The following SLC35D1 variants were observed in gnomAD, a reference collection of about 807,000 sequenced individuals.
SLC35D1 encodes the protein nucleotide sugar transporter SLC35D1.
SLC35D1 carries 31 observed loss-of-function variants against 46.7 expected under a neutral mutation model. That is an observed-to-expected ratio of 0.66 (90% CI 0.50 to 0.90). The LOEUF (loss-of-function observed/expected upper bound fraction) is 0.90, where lower values mean the gene tolerates loss of function less well. SLC35D1 is among the 40% of genes least tolerant of loss of function. The pLI is 0.00. For missense variants in SLC35D1, 397 were observed against 426.2 expected (o/e 0.93, Z 0.60); for synonymous variants, 195 against 164.6 (o/e 1.18, Z -1.41).
intron 7 of SLC35D1, among the ~76,000 whole-genome samples, chr1:67,043,355 G>T (rs1347074277): frequency 6.6e-6 from 1 of 151,786 alleles, no homozygotes; most frequent in African/African-American, 2.4e-5. Flanking sequence ...CTGGGTAACA[G>T]AGCAAGAACC....
At chr1:67,017,473 T>G (rs1667708943) in intron 10 of SLC35D1, among the ~76,000 whole-genome samples, 2 of 152,172 alleles carry the variant, frequency 1.3e-5, no homozygotes, top group South Asian at 4.1e-4. Context: ...AAACTGTGCT[T>G]TTCTTAAAGC....
At chr1:67,038,443 T>G (rs1439655502) in intron 8 of SLC35D1, among the ~76,000 whole-genome samples, 1 of 152,166 alleles carries the variant, frequency 6.6e-6, no homozygotes, top group African/African-American at 2.4e-5. Flanking sequence ...TTGTGAGATC[T>G]ACAGCAAGTG....
chr1:67,019,322 G>A lies in SLC35D1; in HGVS notation c.876+1047C>T, dbSNP rs1402111294. On this transcript the variant is annotated intron_variant, in intron 10 of 11. Transcript: ENST00000235345. ...AAACATACCTAGAGCTAATTTGGGG[G>A]AGGGGCCTAAAACTGTCTCAGCCAG... Among the ~76,000 whole-genome samples the A allele has an allele frequency of 4.6e-5, 7 of 152,314 alleles. No homozygotes were observed. In the East Asian group the frequency reaches 9.6e-4, roughly 21 times the overall value.
At chr1:67,026,058 A>G (rs1667907704) in intron 8 of SLC35D1, among the ~76,000 whole-genome samples, 1 of 152,230 alleles carries the variant, frequency 6.6e-6, no homozygotes, top group Non-Finnish European at 1.5e-5. Flanking sequence ...ATAGAACACT[A>G]TATGAGTACA....
chr1:66,983,466 C>G, the SLC35D1 span, among the ~76,000 whole-genome samples: 1 of 151,038 alleles, frequency 6.6e-6, no homozygotes, highest in South Asian at 2.1e-4. Context: ...TTCAGTGATG[C>G]ACCCTATATT....
At chr1:67,007,497 AAG>A (rs1667475911) in intron 11 of SLC35D1, among the ~76,000 whole-genome samples, 2 of 152,186 alleles carry the variant, frequency 1.3e-5, no homozygotes, top group Admixed American at 6.5e-5. Context: ...AACATTATGA[AAG>A]AGGGGGCACA....
the SLC35D1 span, among the ~76,000 whole-genome samples, chr1:66,992,372 C>T: frequency 6.6e-6 from 1 of 152,176 alleles, no homozygotes; most frequent in African/African-American, 2.4e-5. Context: ...AACAACAGAA[C>T]CTTGCACACT....
In SLC35D1 at chr1:67,004,514, A is replaced by C. The variant is rs948911931; in HGVS notation, c.960-66T>G. 3.5e-6 allele frequency: 5 copies of C among 1,426,140 alleles called. No homozygotes were observed. The African/African-American group carries it at 7.0e-5, about 20-fold the overall frequency. The allele number at this position is 1,426,140 out of a possible 1,614,324, so 88.3% of individuals were successfully genotyped here. On this transcript the variant is annotated intron_variant, in intron 11 of 11. Transcript: ENST00000235345. ...GGGTTTTAGTGTAAACACTCTACTC[A>C]GTAAAAAAACTTACACCAAAAAATT...
At chr1:66,988,512 A>G in the SLC35D1 span, 3 of 151,970 alleles carry the variant, frequency 2.0e-5, no homozygotes, top group Non-Finnish European at 4.4e-5. Context: ...TGCCAACTAT[A>G]CGGACGTGGA....
chr1:66,981,058 G>A, the SLC35D1 span, among the ~76,000 whole-genome samples: 3 of 148,938 alleles, frequency 2.0e-5, no homozygotes, highest in African/African-American at 7.7e-5. Flanking sequence ...ACATTTTTAT[G>A]TACATATATA....
intron 9 of SLC35D1, 113 bp from the exon 10 acceptor site, chr1:67,020,560 G>T: frequency 1.3e-6 from 1 of 774,594 alleles, no homozygotes; most frequent in Non-Finnish European, 2.3e-6. Flanking sequence ...GACCAGCTAT[G>T]AATTTTCCCC....
the SLC35D1 span, among the ~76,000 whole-genome samples, chr1:66,989,789 C>A: frequency 6.6e-6 from 1 of 152,134 alleles, no homozygotes; most frequent in Non-Finnish European, 1.5e-5. Flanking sequence ...AGAAAACATA[C>A]GGGCCTTAAA....
At chr1:66,984,829 G>T in the SLC35D1 span, 5 of 1,611,032 alleles carry the variant, frequency 3.1e-6, no homozygotes, top group African/African-American at 6.7e-5. Context: ...AGAAAGTCCA[G>T]GTTCTTCTGA....
chr1:67,053,927 C>T lies in SLC35D1; in HGVS notation c.87G>A (p.Leu29=). 1 of 1,613,840 alleles carries T rather than the reference C, an allele frequency of 6.2e-7. No homozygotes were observed. Among genetic ancestry groups the T allele is most frequent in the Non-Finnish European group, 8.5e-7 (1 of 1,179,764 alleles). The part of the protein sequence containing the change: ...KSSTLRDEEE[L]GMASAETLTV... ...TCAGCGTTTCGGCCGACGCCATCCC[C>T]AGCTCCTCCTCATCTCGGAGTGTGG... is the stretch of plus-strand genomic sequence containing the variant. Residue 29 remains leucine, a synonymous_variant, in exon 1 of 12, where the codon CTG becomes CTA. Transcript: ENST00000235345.
At chr1:66,985,882 G>A in the SLC35D1 span, 1 of 908,492 alleles carries the variant, frequency 1.1e-6, no homozygotes, top group Non-Finnish European at 1.3e-6. Context: ...CTGAAATTAA[G>A]CATGATGCTT....
the SLC35D1 span, among the ~76,000 whole-genome samples, chr1:66,994,227 G>A: frequency 4.6e-5 from 7 of 152,244 alleles, no homozygotes; most frequent in Non-Finnish European, 8.8e-5. Flanking sequence ...TTCACCGTCA[G>A]TGTCACATGG....
At chr1:67,013,330 T>C (rs1342658967) in intron 10 of SLC35D1, among the ~76,000 whole-genome samples, 2 of 151,304 alleles carry the variant, frequency 1.3e-5, no homozygotes, top group Non-Finnish European at 2.9e-5. Context: ...GCAAATCACT[T>C]GAGCCCAGGA....
the SLC35D1 span, among the ~76,000 whole-genome samples, chr1:66,975,452 G>A: frequency 2.0e-5 from 3 of 152,006 alleles, no homozygotes; most frequent in Non-Finnish European, 4.4e-5. Flanking sequence ...GCTTGAGCCT[G>A]GGAGGGCAAG....
chr1:67,030,568 T>C (rs1475922903), intron 8 of SLC35D1, among the ~76,000 whole-genome samples: 1 of 152,042 alleles, frequency 6.6e-6, no homozygotes, highest in East Asian at 1.9e-4. Context: ...TCAGCTACTA[T>C]ATATAATCAT....
Sources: allele counts gnomAD v4.1 joint callset (sites outside exome capture counted in the v4.1 genomes callset), GRCh38; gene constraint gnomAD v4.1.1; transcripts MANE v1.5; gene names NCBI Gene and HGNC (gene_info 2026-07-23, HGNC 2026-07-21).